Variants in ADCY7 observed in about 807,000 individuals in gnomAD.
ADCY7 encodes adenylate cyclase 7, also known as adenylate cyclase type 7.
A neutral mutation model predicts 120.6 loss-of-function variants in ADCY7; 72 were observed. The ratio of observed to expected loss-of-function variants is 0.60; its 90% CI spans 0.49 to 0.73. ADCY7 has a LOEUF of 0.73. Ranked by LOEUF, ADCY7 falls within the 30% of genes least tolerant of loss-of-function variation. The pLI is 0.00. For missense variants in ADCY7, 1,227 were observed against 1,486.0 expected (o/e 0.83, Z 2.87); for synonymous variants, 661 against 628.0 (o/e 1.05, Z -0.78).
Position 50,315,132 on chromosome 16 carries a change from A to G in ADCY7, c.3090A>G (p.Lys1030=). The change falls in exon 25 of 26, where the codon AAA becomes AAG. Residue 1030 remains lysine (K), a synonymous_variant. Transcript: ENST00000673801. Reference sequence around the variant, plus strand: ...TGGAAAGCACTGGAGAACTTGGGAAAATCCAGGTAAAGACCTATTGGGGAA... The same window carrying G: ...TGGAAAGCACTGGAGAACTTGGGAAGATCCAGGTAAAGACCTATTGGGGAA... The part of the protein sequence containing the change: ...SRMESTGELG[K]IQVTEETCTI... 1 of 1,614,198 alleles carries G rather than the reference A, an allele frequency of 6.2e-7. No homozygotes were observed. The highest frequency in any genetic ancestry group is 1.1e-5 in the South Asian group (1 of 91,084).
At chr16:50,276,400 C>T (rs1290902628) in intron 1 of ADCY7, among the ~76,000 whole-genome samples, 1 of 152,182 alleles carries the variant, frequency 6.6e-6, no homozygotes, top group Non-Finnish European at 1.5e-5. Context: ...ATGGCCCTTT[C>T]TGACATCTTG....
chr16:50,263,709 A>G (rs2150806588), upstream of ADCY7, among the ~76,000 whole-genome samples: 2 of 151,946 alleles, frequency 1.3e-5, no homozygotes, highest in Middle Eastern at 6.8e-3. Context: ...AGCCGAGATC[A>G]TCTTGCAGAA....
chr16:50,300,015 C>T (rs2035614017), intron 8 of ADCY7, among the ~76,000 whole-genome samples: 1 of 152,192 alleles, frequency 6.6e-6, no homozygotes, highest in Admixed American at 6.5e-5. Context: ...GTCTGGGCCC[C>T]TGTGTTCCTT....
upstream of ADCY7, among the ~76,000 whole-genome samples, chr16:50,265,652 AG>A (rs546667811): frequency 3.6e-4 from 55 of 152,338 alleles, no homozygotes; most frequent in African/African-American, 1.3e-3. Context: ...AGGAAGGTGC[AG>A]GGGTTAGAAG....
chr16:50,251,292 G>A (rs1377961816), intron 1 of ADCY7, among the ~76,000 whole-genome samples: 3 of 152,154 alleles, frequency 2.0e-5, no homozygotes, highest in Non-Finnish European at 2.9e-5. Flanking sequence ...AGATTGTGGT[G>A]TGATGAAATG....
At chr16:50,314,200 G>A in intron 23 of ADCY7, 92 bp from the exon 24 acceptor site, 1 of 1,427,892 alleles carries the variant, frequency 7.0e-7, no homozygotes, top group South Asian at 1.2e-5. Flanking sequence ...GGATTTTAGT[G>A]GTGGGGATCC....
In ADCY7 at chr16:50,304,547, C is replaced by A; in HGVS notation, c.1556C>A (p.Pro519His). Residue 519 changes from proline (P) to histidine (H), a missense_variant, in exon 11 of 26, where the codon CCT (proline) becomes CAT (histidine). Coordinates refer to ENST00000673801, the MANE Select transcript of ADCY7 (RefSeq NM_001114.5). ...GETHVPNGRR[P>H]KSVPQRHRRT... is the part of the protein sequence containing the mutation. Reference sequence around the variant, plus strand: ...ACCCACGTCCCCAACGGGCGGAGGCCTAAGGTAGGTCCCCCTCCCACCCAG... The same window carrying A: ...ACCCACGTCCCCAACGGGCGGAGGCATAAGGTAGGTCCCCCTCCCACCCAG... The A allele has an allele frequency of 6.5e-7, 1 of 1,540,494 alleles. No individual in the cohort carries two copies. The highest frequency in any genetic ancestry group is 8.8e-7 in the Non-Finnish European group (1 of 1,141,458).
chr16:50,245,292 C>G (rs540615991), upstream of ADCY7, among the ~76,000 whole-genome samples: 1 of 152,282 alleles, frequency 6.6e-6, no homozygotes, highest in South Asian at 2.1e-4. Flanking sequence ...ATAACAGGTG[C>G]TTCTGTAACC....
At position 50,280,386 on chromosome 16, in the gene ADCY7, A is replaced by C. The variant is rs2034182082; in HGVS notation, c.-268-7526A>C. ...TTATTAATTTTTTCAAAAAAAAAAA[A>C]AACAACTCCTGGATTCGTTGATCTT... On this transcript the variant is annotated intron_variant, in intron 1 of 25. Transcript: ENST00000673801. 4.0e-5 allele frequency among the ~76,000 whole-genome samples: 6 copies of C among 151,260 alleles called. No homozygotes were observed. In the East Asian group the frequency reaches 9.6e-4, roughly 24 times the overall value.
rs1422134099 is a variant in ADCY7, at chr16:50,310,685, A to C, written c.2161-2A>C. ...GTCCTGAGTGACACCCTGCCCCCTCAGTACTACACCTGCAGCTGTGTCCTG... is the reference window on the plus strand; with the variant it reads ...GTCCTGAGTGACACCCTGCCCCCTCCGTACTACACCTGCAGCTGTGTCCTG... On this transcript the variant is annotated splice_acceptor_variant, in intron 18 of 25. Transcript: ENST00000673801. LOFTEE classifies it high-confidence loss of function. The C allele has an allele frequency of 6.2e-7, 1 of 1,613,388 alleles. No homozygotes were observed. The highest frequency in any genetic ancestry group is 8.5e-7 in the Non-Finnish European group (1 of 1,179,670).
intron 8 of ADCY7, among the ~76,000 whole-genome samples, chr16:50,299,981 G>A (rs1209563886): frequency 6.6e-6 from 1 of 152,136 alleles, no homozygotes; most frequent in South Asian, 2.1e-4. Flanking sequence ...CCCAGGGATT[G>A]GGGGGGCATA....
chr16:50,289,390 G>A lies in ADCY7; in HGVS notation c.171+1040G>A, dbSNP rs545275736. ...GCTGGCACCACCTATGTCATTTCCG[G>A]CCCAGGCACTTGCCTTGGTACAGCC... is the stretch of plus-strand genomic sequence containing the variant. On this transcript the variant is annotated intron_variant, in intron 2 of 25. Coordinates refer to ENST00000673801, the MANE Select transcript of ADCY7 (RefSeq NM_001114.5). The A allele has an allele frequency of 7.8e-5, 32 of 409,712 alleles. 1 individual carries two copies. In the East Asian group the frequency reaches 2.6e-3, roughly 33 times the overall value. The allele number at this position is 409,712 out of a possible 1,614,324, so 25.4% of individuals were successfully genotyped here. A position where few individuals can be genotyped will look rare whatever the true frequency, so the allele number is the denominator to read the frequency against.
At chr16:50,311,817 A>T (rs746351727) in intron 20 of ADCY7, 31 bp downstream of exon 20, 1 of 1,172,350 alleles carries the variant, frequency 8.5e-7, no homozygotes, top group Admixed American at 1.9e-5. Flanking sequence ...CCCCCCCCCA[A>T]GCTCTGCCCA....
At position 50,294,621 on chromosome 16, in the gene ADCY7, C is replaced by CCCCCCGCCCCCA; in HGVS notation, c.837-19_837-18insCCCCCGCCCCCA. The CCCCCCGCCCCCA allele has an allele frequency of 2.2e-6, 3 of 1,341,842 alleles. No homozygotes were observed. The highest frequency in any genetic ancestry group is 3.2e-6 in the Non-Finnish European group (3 of 940,026). The allele number at this position is 1,341,842 out of a possible 1,614,324, so 83.1% of individuals were successfully genotyped here. On this transcript the variant is annotated intron_variant, in intron 6 of 25. Transcript: ENST00000673801. Reference sequence around the variant, plus strand: ...GGAGCCTGGCTCTGACACTCCCTCCCACCCTGCCCCATCCCCAGCATCCTC... The same window carrying CCCCCCGCCCCCA: ...GGAGCCTGGCTCTGACACTCCCTCCCCCCCCGCCCCCAACCCTGCCCCATCCCCAGCATCCTC...
chr16:50,314,215 C>T (rs2036651813), intron 23 of ADCY7, 77 bp from the exon 24 acceptor site: 3 of 1,480,274 alleles, frequency 2.0e-6, no homozygotes, highest in African/African-American at 1.4e-5. Context: ...GGATCCTCAA[C>T]AAGAGTGGCG....
intron 1 of ADCY7, among the ~76,000 whole-genome samples, chr16:50,276,451 G>A (rs1458267249): frequency 6.6e-6 from 1 of 152,208 alleles, no homozygotes; most frequent in African/African-American, 2.4e-5. Context: ...TGCGCCAGGG[G>A]TGGCTCAGTA....
chr16:50,288,736 C>A (rs975038447), intron 2 of ADCY7, among the ~76,000 whole-genome samples: 2 of 152,148 alleles, frequency 1.3e-5, no homozygotes, highest in East Asian at 1.9e-4. Context: ...CTTCGGCCCC[C>A]CAAAGTGCTG....
In ADCY7 at chr16:50,296,680, G is replaced by A. The variant is rs975554329; in HGVS notation, c.948+1929G>A. On this transcript the variant is annotated intron_variant, in intron 7 of 25. Transcript: ENST00000673801. ...CAGAATTTGTAAGAGCCCCGCAGGTGTCTCTGTGGGCAGAGAATCAATGGT... is the reference window on the plus strand; with the variant it reads ...CAGAATTTGTAAGAGCCCCGCAGGTATCTCTGTGGGCAGAGAATCAATGGT... Among the ~76,000 whole-genome samples the A allele has an allele frequency of 7.9e-5, 12 of 152,156 alleles. No homozygotes were observed. The South Asian group carries it at 2.1e-3, about 26-fold the overall frequency.
In ADCY7 at chr16:50,312,886, C is replaced by A; in HGVS notation, c.2605-4C>A. 1 of 1,613,990 alleles carries A rather than the reference C, an allele frequency of 6.2e-7. No individual in the cohort carries two copies. The highest frequency in any genetic ancestry group is 8.5e-7 in the Non-Finnish European group (1 of 1,179,942). On this transcript the variant is annotated splice_region_variant and splice_polypyrimidine_tract_variant and intron_variant, in intron 21 of 25. Coordinates refer to ENST00000673801, the MANE Select transcript of ADCY7 (RefSeq NM_001114.5). ...GGTGTAAGGTCCGGTTTCTTCCCAT[C>A]CAGGACTGGTACCATCAGTCCTATG...
Sources: allele counts gnomAD v4.1 joint callset (sites outside exome capture counted in the v4.1 genomes callset), GRCh38; gene constraint gnomAD v4.1.1; transcripts MANE v1.5; gene names NCBI Gene and HGNC (gene_info 2026-07-23, HGNC 2026-07-21).